CACNA2D3: variants seen among roughly 807,000 people sequenced by gnomAD.
CACNA2D3 encodes voltage-dependent calcium channel subunit alpha-2/delta-3.
Under a neutral mutation model 160.6 loss-of-function variants are expected in CACNA2D3, and 60 were observed. The ratio of observed to expected loss-of-function variants is 0.37; its 90% CI spans 0.30 to 0.46. The LOEUF (loss-of-function observed/expected upper bound fraction) is 0.46. Among genes scored for constraint, CACNA2D3 ranks in the 20% least tolerant of loss-of-function variants. CACNA2D3 has a pLI of 1.00. For synonymous variants in CACNA2D3, 558 were observed against 492.9 expected (o/e 1.13, Z -1.75); for missense variants, 1,205 against 1,365.0 (o/e 0.88, Z 1.85).
chr3:54,143,177 G>A (rs1370557588), intron 2 of CACNA2D3, among the ~76,000 whole-genome samples: 1 of 152,188 alleles, frequency 6.6e-6, no homozygotes, highest in Non-Finnish European at 1.5e-5. Context: ...TTTCTTCCCA[G>A]GATTGAAGAA....
chr3:54,128,561 A>G (rs9839987), intron 2 of CACNA2D3, among the ~76,000 whole-genome samples: 57,595 of 152,008 alleles, frequency 0.38, 11,158 homozygotes, highest in East Asian at 0.6. Context: ...GGCCTGTCAC[A>G]AATCCTGATT....
At chr3:54,939,662 G>A (rs1701413791) in intron 27 of CACNA2D3, among the ~76,000 whole-genome samples, 1 of 152,234 alleles carries the variant, frequency 6.6e-6, no homozygotes, top group African/African-American at 2.4e-5. Flanking sequence ...CTATCAGTCA[G>A]ATCTGGGACA....
chr3:54,851,271 A>G (rs1377432869), intron 17 of CACNA2D3, among the ~76,000 whole-genome samples: 2 of 152,198 alleles, frequency 1.3e-5, no homozygotes, highest in African/African-American at 2.4e-5. Context: ...GGAAAGGATG[A>G]AGGGGAGGGG....
chr3:54,183,892 GAAAAA>G (rs58956795), intron 2 of CACNA2D3, among the ~76,000 whole-genome samples: 13 of 80,804 alleles, frequency 1.6e-4, no homozygotes, highest in African/African-American at 6.1e-4. Context: ...TCTCAAAAAA[GAAAAA>G]AAAAAAAAAA....
intron 4 of CACNA2D3, among the ~76,000 whole-genome samples, chr3:54,442,074 G>C (rs1267085715): frequency 6.6e-6 from 1 of 152,140 alleles, no homozygotes; most frequent in East Asian, 1.9e-4. Flanking sequence ...CTCCTAAGTA[G>C]CAAGGACTAT....
At chr3:54,918,356 G>GTTTTTTTTTTTTTT in intron 27 of CACNA2D3, 1 of 157,274 alleles carries the variant, frequency 6.4e-6, no homozygotes, top group Non-Finnish European at 1.1e-5. Context: ...TTTTTTTTTT[G>GTTTTTTTTTTTTTT]TCTTTTGGCA....
At chr3:54,923,300 T>C (rs936727386) in intron 27 of CACNA2D3, among the ~76,000 whole-genome samples, 1 of 152,174 alleles carries the variant, frequency 6.6e-6, no homozygotes, top group Non-Finnish European at 1.5e-5. Context: ...CACTGGCCAC[T>C]GTCTTGTCCC....
chr3:54,966,284 C>T (rs1001239177), intron 27 of CACNA2D3, among the ~76,000 whole-genome samples: 1 of 152,110 alleles, frequency 6.6e-6, no homozygotes, highest in Non-Finnish European at 1.5e-5. Context: ...TGTTTTGCAC[C>T]CTGCACCCTG....
At chr3:54,875,266 CAT>C (rs1168466678) in intron 18 of CACNA2D3, 1 of 152,058 alleles carries the variant, frequency 6.6e-6, no homozygotes, top group Non-Finnish European at 1.5e-5. Flanking sequence ...CAAACTGACA[CAT>C]AGGGGAGGAG....
At chr3:54,498,825 TC>T (rs1263065772) in intron 4 of CACNA2D3, among the ~76,000 whole-genome samples, 8 of 152,078 alleles carry the variant, frequency 5.3e-5, no homozygotes, top group Non-Finnish European at 1.0e-4. Flanking sequence ...GTCATTTTTT[TC>T]CTTGACATAT....
At position 54,871,589 on chromosome 3, in the gene CACNA2D3, C is replaced by G; in HGVS notation, c.1677C>G (p.Leu559=). ...AACCTAACTATAGTAGCGTTGACCT[C>G]TCTGAGGTGGAGTGGGAAGACCGAG... is the stretch of plus-strand genomic sequence containing the variant. The part of the protein sequence containing the change: ...RRKPNYSSVD[L]SEVEWEDRDD... The change falls in exon 18 of 38, where the codon CTC becomes CTG. Residue 559 remains leucine, a synonymous_variant. Transcript: ENST00000474759. 3 of 1,613,594 alleles carry G rather than the reference C, an allele frequency of 1.9e-6. No homozygotes were observed. The highest frequency in any genetic ancestry group is 1.7e-6 in the Non-Finnish European group (2 of 1,179,608).
rs59197943 is a variant in CACNA2D3 at position 54,813,990 on chromosome 3, C to T, written c.1381-2863C>T. Among the ~76,000 whole-genome samples the T allele has an allele frequency of 1.6e-3, 236 of 151,660 alleles. 2 individuals are homozygous for T. Among genetic ancestry groups the T allele is most frequent in the Non-Finnish European group, 2.5e-3 (172 of 67,920 alleles). Reference sequence around the variant, plus strand: ...GGTGATTCTCCCCACCTCAGCCTCCCGAGTAGCTGGGACTACAGCCATGTG... The same window carrying T: ...GGTGATTCTCCCCACCTCAGCCTCCTGAGTAGCTGGGACTACAGCCATGTG... On this transcript the variant is annotated intron_variant, in intron 13 of 37. Transcript: ENST00000474759.
chr3:54,226,155 T>G (rs949297915), intron 2 of CACNA2D3, among the ~76,000 whole-genome samples: 1 of 152,062 alleles, frequency 6.6e-6, no homozygotes, highest in African/African-American at 2.4e-5. Context: ...ATAGGTCTGT[T>G]TCGGTTTTCT....
chr3:54,269,038 G>A (rs1329545985), intron 2 of CACNA2D3, among the ~76,000 whole-genome samples: 1 of 152,164 alleles, frequency 6.6e-6, no homozygotes, highest in East Asian at 1.9e-4. Flanking sequence ...GGAGAGAAGA[G>A]TTCCTGTGGC....
intron 4 of CACNA2D3, among the ~76,000 whole-genome samples, chr3:54,466,341 C>G (rs1407666562): frequency 6.6e-6 from 1 of 152,194 alleles, no homozygotes; most frequent in Admixed American, 6.5e-5. Flanking sequence ...TTAATTTTTA[C>G]ACTGTTAAAT....
chr3:54,823,030 T>A (rs1703675712), intron 14 of CACNA2D3, among the ~76,000 whole-genome samples: 1 of 151,736 alleles, frequency 6.6e-6, no homozygotes, highest in Admixed American at 6.6e-5. Flanking sequence ...AATTTTTGTA[T>A]TTTTAGTAGA....
Position 54,442,783 on chromosome 3 carries a change from G to A in CACNA2D3, c.381+56009G>A, listed in dbSNP as rs116041858. 7.1e-3 allele frequency among the ~76,000 whole-genome samples: 1,083 copies of A among 152,256 alleles called. 15 individuals are homozygous for A. Among genetic ancestry groups the A allele is most frequent in the African/African-American group, 0.025 (1,024 of 41,538 alleles). On this transcript the variant is annotated intron_variant, in intron 4 of 37. Transcript: ENST00000474759. ...GTCCATTCAATATGTGTGAACAGGC[G>A]AAGGGCCCTGCCTATGTACAGCACT...
intron 14 of CACNA2D3, among the ~76,000 whole-genome samples, chr3:54,822,083 G>A (rs1703616062): frequency 6.6e-6 from 1 of 152,058 alleles, no homozygotes; most frequent in African/African-American, 2.4e-5. Flanking sequence ...CCTGTACTTT[G>A]CTTTGCATGT....
chr3:54,626,323 A>T, intron 9 of CACNA2D3: 3 of 1,553,032 alleles, frequency 1.9e-6, no homozygotes, highest in Non-Finnish European at 2.6e-6. Flanking sequence ...GCCGCTGTAC[A>T]GTGCGCGCCA....
Sources: allele counts gnomAD v4.1 joint callset (sites outside exome capture counted in the v4.1 genomes callset), GRCh38; gene constraint gnomAD v4.1.1; transcripts MANE v1.5; gene names NCBI Gene and HGNC (gene_info 2026-07-23, HGNC 2026-07-21).